The following ATP6V1C1 variants were observed in gnomAD, a reference collection of about 807,000 sequenced individuals.
ATP6V1C1 encodes ATPase H+ transporting V1 subunit C1.
Under a neutral mutation model 53.9 loss-of-function variants are expected in ATP6V1C1, and 45 were observed. The ratio of observed to expected loss-of-function variants is 0.83; its 90% CI spans 0.66 to 1.07. The LOEUF (loss-of-function observed/expected upper bound fraction) is 1.07. ATP6V1C1 is among the 50% of genes least tolerant of loss of function. ATP6V1C1 has a pLI of 0.00. For missense variants in ATP6V1C1, 315 were observed against 440.3 expected (o/e 0.72, Z 2.55); for synonymous variants, 153 against 155.2 (o/e 0.99, Z 0.11).
intron 8 of ATP6V1C1, among the ~76,000 whole-genome samples, chr8:103,058,842 A>G (rs1563608743): frequency 6.6e-6 from 1 of 152,246 alleles, no homozygotes; most frequent in Non-Finnish European, 1.5e-5. Context: ...CTGTGAGGCT[A>G]AATGCAGCAA....
intron 3 of ATP6V1C1, among the ~76,000 whole-genome samples, chr8:103,047,609 T>A (rs1817128018): frequency 6.6e-6 from 1 of 152,142 alleles, no homozygotes. Flanking sequence ...AGAGTGTGGC[T>A]TCAGAGGCTG....
intron 8 of ATP6V1C1, among the ~76,000 whole-genome samples, chr8:103,056,810 T>C (rs569187940): frequency 2.6e-5 from 4 of 152,254 alleles, no homozygotes; most frequent in Admixed American, 1.3e-4. Flanking sequence ...GTGGAAGATA[T>C]AGGAGGCAGT....
intron 1 of ATP6V1C1, 110 bp downstream of exon 1, chr8:103,021,335 C>G (rs1264139800): frequency 6.6e-6 from 1 of 152,356 alleles, no homozygotes; most frequent in Non-Finnish European, 1.5e-5. Context: ...GAGACCGTGG[C>G]GTTGGAGCTG....
intron 4 of ATP6V1C1, among the ~76,000 whole-genome samples, chr8:103,049,631 A>G (rs745944462): frequency 6.6e-6 from 1 of 152,138 alleles, no homozygotes; most frequent in Non-Finnish European, 1.5e-5. Context: ...CTCTAGTGAT[A>G]CGTTTTTATA....
intron 1 of ATP6V1C1, among the ~76,000 whole-genome samples, chr8:103,029,192 G>C (rs1816750027): frequency 6.6e-6 from 1 of 151,620 alleles, no homozygotes; most frequent in Non-Finnish European, 1.5e-5. Context: ...CACATTTTGT[G>C]GGTTTTGATA....
At position 103,062,168 on chromosome 8, in the gene ATP6V1C1, T is replaced by G. The variant is rs917433795; in HGVS notation, c.642-787T>G. ...ACAGTTGTGTTCATCAGGGTTTTTT[T>G]TTTTTTTTTTTTTTTTTTTTTTGAC... is the stretch of plus-strand genomic sequence containing the variant. On this transcript the variant is annotated intron_variant, in intron 8 of 12. Coordinates refer to ENST00000518738, the MANE Select transcript of ATP6V1C1 (RefSeq NM_001695.5). 4.7e-4 allele frequency among the ~76,000 whole-genome samples: 60 copies of G among 127,286 alleles called. 1 individual carries two copies. The highest frequency in any genetic ancestry group is 5.6e-4 in the South Asian group (2 of 3,594). 83.5% of individuals were successfully genotyped at this position (127,286 alleles called of 152,430 possible). A position where few individuals can be genotyped will look rare whatever the true frequency, so the allele number is the denominator to read the frequency against.
chr8:103,055,137 C>T (rs946618448), intron 7 of ATP6V1C1, among the ~76,000 whole-genome samples: 1 of 152,058 alleles, frequency 6.6e-6, no homozygotes, highest in Non-Finnish European at 1.5e-5. Flanking sequence ...TGCTTTTATA[C>T]TATGTAGGAA....
intron 12 of ATP6V1C1, among the ~76,000 whole-genome samples, chr8:103,067,091 T>C (rs1817504750): frequency 6.6e-6 from 1 of 152,034 alleles, no homozygotes; most frequent in African/African-American, 2.4e-5. Context: ...GTTTTTTTGT[T>C]GTTGCTGTTT....
intron 8 of ATP6V1C1, among the ~76,000 whole-genome samples, chr8:103,062,721 A>G (rs1394670192): frequency 6.6e-6 from 1 of 152,208 alleles, no homozygotes; most frequent in Admixed American, 6.5e-5. Context: ...TTAATGTCTA[A>G]TTTTGTTGGT....
At chr8:103,065,339 G>C (rs1817469660) in intron 11 of ATP6V1C1, among the ~76,000 whole-genome samples, 2 of 152,080 alleles carry the variant, frequency 1.3e-5, no homozygotes, top group South Asian at 2.1e-4. Flanking sequence ...GGCAGATCAC[G>C]AGGTCCGATT....
intron 1 of ATP6V1C1, among the ~76,000 whole-genome samples, chr8:103,024,067 T>A (rs1816653755): frequency 6.6e-6 from 1 of 152,180 alleles, no homozygotes; most frequent in South Asian, 2.1e-4. Context: ...AACAATAAGG[T>A]GAACTGAAAG....
chr8:103,055,549 C>T (rs1419974674), intron 7 of ATP6V1C1, among the ~76,000 whole-genome samples: 1 of 152,110 alleles, frequency 6.6e-6, no homozygotes, highest in Non-Finnish European at 1.5e-5. Context: ...AAAAATGAGG[C>T]ACAATACATA....
At chr8:103,067,598 C>CTTTTT (rs764474136) in intron 12 of ATP6V1C1, among the ~76,000 whole-genome samples, 14 of 114,962 alleles carry the variant, frequency 1.2e-4, no homozygotes, top group East Asian at 5.1e-4. Context: ...TTTTCTTTTT[C>CTTTTT]TTTTTTTTTT....
At chr8:103,028,723 C>T (rs1387015813) in intron 1 of ATP6V1C1, among the ~76,000 whole-genome samples, 2 of 152,204 alleles carry the variant, frequency 1.3e-5, no homozygotes. Flanking sequence ...GTCTTCATAT[C>T]CTCAGCGCAG....
chr8:103,021,841 A>C (rs544013240), intron 1 of ATP6V1C1, among the ~76,000 whole-genome samples: 1 of 152,318 alleles, frequency 6.6e-6, no homozygotes, highest in South Asian at 2.1e-4. Flanking sequence ...CCTAGAAAAG[A>C]ACTTGGTGAG....
At chr8:103,036,124 C>A (rs1816894606) in intron 1 of ATP6V1C1, among the ~76,000 whole-genome samples, 1 of 152,190 alleles carries the variant, frequency 6.6e-6, no homozygotes, top group Non-Finnish European at 1.5e-5. Context: ...TGCACCAGAG[C>A]ACAGAACATC....
At chr8:103,032,126 AAATATGTATAT>A (rs1278926187) in intron 1 of ATP6V1C1, among the ~76,000 whole-genome samples, 1 of 152,102 alleles carries the variant, frequency 6.6e-6, no homozygotes, top group Admixed American at 6.5e-5. Context: ...GAAAATATGT[AAATATGTATAT>A]ATATTTCACA....
chr8:103,048,738 A>T, intron 3 of ATP6V1C1, 132 bp from the exon 4 acceptor site: 1 of 655,070 alleles, frequency 1.5e-6, no homozygotes, highest in Non-Finnish European at 2.5e-6. Context: ...AGATCCATTT[A>T]TTGTGTATTA....
chr8:103,062,159 G>C (rs1353991030), intron 8 of ATP6V1C1, among the ~76,000 whole-genome samples: 2 of 133,694 alleles, frequency 1.5e-5, no homozygotes, highest in East Asian at 4.2e-4. Flanking sequence ...GTGTTCATCA[G>C]GGTTTTTTTT....
Sources: gnomAD v4.1 joint callset for allele counts (sites outside exome capture counted in the v4.1 genomes callset) on GRCh38, gnomAD v4.1.1 for gene constraint, MANE v1.5 for transcripts, NCBI Gene and HGNC (gene_info 2026-07-23, HGNC 2026-07-21) for gene names.